RAPGEF1: variants seen among roughly 807,000 people sequenced by gnomAD.
RAPGEF1 encodes Rap guanine nucleotide exchange factor 1.
A neutral mutation model predicts 143.3 loss-of-function variants in RAPGEF1; 33 were observed. The observed-to-expected ratio is 0.23, with a 90% CI of 0.17 to 0.31. The LOEUF is 0.31. Ranked by LOEUF, RAPGEF1 falls within the 10% of genes least tolerant of loss-of-function variation. The pLI is 1.00. For synonymous variants in RAPGEF1, 629 were observed against 676.5 expected, an observed-to-expected ratio of 0.93 and a Z score of 1.09; for missense variants, 1,199 against 1,645.4, an observed-to-expected ratio of 0.73 and a Z score of 4.69.
intron 1 of RAPGEF1, among the ~76,000 whole-genome samples, chr9:131,703,767 C>T (rs1399169150): frequency 2.0e-5 from 3 of 152,238 alleles, no homozygotes; most frequent in Non-Finnish European, 4.4e-5. Context: ...GGAGCTAGCA[C>T]ATATGAAAGG....
chr9:131,707,374 T>TCCCATTTTGCTTATCTTAGGTC (rs1309925094), intron 1 of RAPGEF1, among the ~76,000 whole-genome samples: 22 of 152,344 alleles, frequency 1.4e-4, no homozygotes, highest in Middle Eastern at 3.4e-3. Flanking sequence ...GTTAAACTTA[T>TCCCATTTTGCTTATCTTAGGTC]CCCATTTTGC....
chr9:131,598,867 C>T (rs949982179), intron 15 of RAPGEF1, among the ~76,000 whole-genome samples: 1 of 151,582 alleles, frequency 6.6e-6, no homozygotes, highest in Admixed American at 6.6e-5. Context: ...CTCTGTCACC[C>T]AGGCTGGAGT....
intron 1 of RAPGEF1, among the ~76,000 whole-genome samples, chr9:131,662,336 C>A (rs1974348385): frequency 6.6e-6 from 1 of 152,148 alleles, no homozygotes; most frequent in African/African-American, 2.4e-5. Flanking sequence ...GAAAGACTTG[C>A]CTATATGTTG....
chr9:131,614,140 A>AC (rs59952563), intron 12 of RAPGEF1, among the ~76,000 whole-genome samples: 48,664 of 142,424 alleles, frequency 0.34, 9,372 homozygotes, highest in Non-Finnish European at 0.46. Flanking sequence ...GTGCACCAAC[A>AC]CCCCCCCCCA....
At chr9:131,658,571 T>G (rs1423489867) in intron 1 of RAPGEF1, among the ~76,000 whole-genome samples, 1 of 152,198 alleles carries the variant, frequency 6.6e-6, no homozygotes, top group Non-Finnish European at 1.5e-5. Flanking sequence ...ATAAATTGAC[T>G]GTGATGTTAC....
rs367713302 is a variant in RAPGEF1 at position 131,593,748 on chromosome 9, C to G, written c.2690-1565G>C. 2.6e-5 allele frequency among the ~76,000 whole-genome samples: 4 copies of G among 152,204 alleles called. 1 individual carries two copies. In the South Asian group the frequency reaches 8.3e-4, roughly 32 times the overall value. On this transcript the variant is annotated intron_variant, in intron 17 of 26. Transcript: ENST00000683357. Reference sequence around the variant, plus strand: ...GCTGGGAATCACAGCAGGGCCCATCCGCACTGTGCTCAGGCTCATTCCTCG... The same window carrying G: ...GCTGGGAATCACAGCAGGGCCCATCGGCACTGTGCTCAGGCTCATTCCTCG...
At chr9:131,699,195 T>C (rs1202399778) in intron 1 of RAPGEF1, among the ~76,000 whole-genome samples, 1 of 150,896 alleles carries the variant, frequency 6.6e-6, no homozygotes, top group East Asian at 1.9e-4. Flanking sequence ...CCAATTCTCC[T>C]CTGCTCATTC....
At chr9:131,651,102 C>T (rs914603888) in intron 1 of RAPGEF1, among the ~76,000 whole-genome samples, 153 bp from the exon 2 acceptor site, 15 of 152,180 alleles carry the variant, frequency 9.9e-5, no homozygotes, top group African/African-American at 3.6e-4. Context: ...CATTACAAAA[C>T]ATTTCTGCTT....
At chr9:131,592,901 G>A (rs1375887305) in intron 17 of RAPGEF1, among the ~76,000 whole-genome samples, 1 of 152,120 alleles carries the variant, frequency 6.6e-6, no homozygotes, top group East Asian at 1.9e-4. Context: ...ACAGGCACGC[G>A]CCACTACGCC....
intron 1 of RAPGEF1, among the ~76,000 whole-genome samples, chr9:131,720,596 C>T (rs112015755): frequency 2.0e-5 from 3 of 152,144 alleles, no homozygotes; most frequent in Non-Finnish European, 2.9e-5. Context: ...CTCAGGACAG[C>T]GACCACCTGG....
chr9:131,665,939 T>G (rs985155068), intron 1 of RAPGEF1, among the ~76,000 whole-genome samples: 2 of 152,228 alleles, frequency 1.3e-5, no homozygotes, highest in African/African-American at 2.4e-5. Flanking sequence ...TACTAGTCCT[T>G]TGAGACCCCA....
chr9:131,652,462 TG>T (rs1373508375), intron 1 of RAPGEF1, among the ~76,000 whole-genome samples: 1 of 152,106 alleles, frequency 6.6e-6, no homozygotes, highest in Non-Finnish European at 1.5e-5. Flanking sequence ...GTTGCCCAGG[TG>T]GGCAAAAATA....
intron 1 of RAPGEF1, among the ~76,000 whole-genome samples, chr9:131,717,040 AGGGTCCCACAGCCTC>A (rs750673686): frequency 2.3e-4 from 35 of 152,222 alleles, no homozygotes; most frequent in African/African-American, 5.8e-4. Context: ...ATCAGTGTTG[AGGGTCCCACAGCCTC>A]GGGTCCCACA....
intron 1 of RAPGEF1, among the ~76,000 whole-genome samples, chr9:131,738,462 T>A (rs532591447): frequency 5.0e-4 from 76 of 152,084 alleles, no homozygotes; most frequent in African/African-American, 1.8e-3. Context: ...GGGCTCAAAT[T>A]CAGTGAGAAA....
At chr9:131,632,726 T>C (rs1037554530) in intron 5 of RAPGEF1, among the ~76,000 whole-genome samples, 1 of 152,190 alleles carries the variant, frequency 6.6e-6, no homozygotes, top group Admixed American at 6.5e-5. Flanking sequence ...GAAAAACAGT[T>C]CTAGGTGATA....
At chr9:131,700,552 G>T (rs1035145861) in intron 1 of RAPGEF1, among the ~76,000 whole-genome samples, 3 of 152,152 alleles carry the variant, frequency 2.0e-5, no homozygotes, top group Non-Finnish European at 4.4e-5. Flanking sequence ...CACAGGACCT[G>T]TTCAATAAAC....
At chr9:131,670,669 C>T (rs1831230655) in intron 1 of RAPGEF1, among the ~76,000 whole-genome samples, 1 of 152,198 alleles carries the variant, frequency 6.6e-6, no homozygotes, top group South Asian at 2.1e-4. Context: ...AACCTCGGGA[C>T]AGTCTCCCGG....
chr9:131,606,685 G>A (rs1376068013), intron 12 of RAPGEF1, among the ~76,000 whole-genome samples: 1 of 152,114 alleles, frequency 6.6e-6, no homozygotes, highest in Non-Finnish European at 1.5e-5. Context: ...GTCTCACTCT[G>A]TCACCCAGGC....
At chr9:131,612,985 G>A (rs1484038820) in intron 12 of RAPGEF1, among the ~76,000 whole-genome samples, 1 of 152,196 alleles carries the variant, frequency 6.6e-6, no homozygotes, top group Non-Finnish European at 1.5e-5. Flanking sequence ...CCAGTTCACA[G>A]CCCATCCCCT....
Sources: allele counts gnomAD v4.1 joint callset (sites outside exome capture counted in the v4.1 genomes callset), GRCh38; gene constraint gnomAD v4.1.1; transcripts MANE v1.5; gene names NCBI Gene and HGNC (gene_info 2026-07-23, HGNC 2026-07-21).